Variants in GNAQ observed in about 807,000 individuals in gnomAD.
GNAQ encodes the protein guanine nucleotide-binding protein G(q) subunit alpha.
GNAQ carries 8 observed loss-of-function variants against 43.9 expected under a neutral mutation model. The observed-to-expected ratio is 0.18, with a 90% CI of 0.11 to 0.33. GNAQ has a LOEUF of 0.33. GNAQ is among the 10% of genes least tolerant of loss of function. The pLI, the probability that GNAQ is intolerant of heterozygous loss-of-function variation, is 1.00. For synonymous variants in GNAQ, 155 were observed against 170.7 expected (o/e 0.91, Z 0.71); for missense variants, 158 against 450.8 (o/e 0.35, Z 5.88).
chr9:77,817,787 C>T (rs879546242), intron 2 of GNAQ, among the ~76,000 whole-genome samples: 19 of 152,112 alleles, frequency 1.2e-4, no homozygotes, highest in Admixed American at 1.2e-3. Flanking sequence ...CGCACATGAG[C>T]GATGCTGCAT....
chr9:77,762,308 GC>G (rs1380783503), intron 5 of GNAQ, among the ~76,000 whole-genome samples: 1 of 145,570 alleles, frequency 6.9e-6, no homozygotes, highest in Non-Finnish European at 1.5e-5. Flanking sequence ...GGGGGGGTCA[GC>G]CCCCCGCCCG....
Position 77,741,902 on chromosome 9 carries a change from T to G in GNAQ, c.736-13235A>C, listed in dbSNP as rs1825658721. ...TTAAGGAGGGCAGGGACAATAAACC[T>G]CTCAGCTTTGGTTTCTGTATCTACT... On this transcript the variant is annotated intron_variant, in intron 5 of 6. Transcript: ENST00000286548. 2.0e-5 allele frequency among the ~76,000 whole-genome samples: 3 copies of G among 152,196 alleles called. No homozygotes were observed. The South Asian group carries it at 6.2e-4, about 32-fold the overall frequency.
chr9:77,746,619 AT>A (rs1157985744), intron 5 of GNAQ, among the ~76,000 whole-genome samples: 19 of 152,332 alleles, frequency 1.2e-4, no homozygotes, highest in East Asian at 7.7e-4. Flanking sequence ...GACCAAAAAA[AT>A]AAACGAAATT....
chr9:77,953,914 C>A (rs1457123406), intron 1 of GNAQ, among the ~76,000 whole-genome samples: 2 of 152,212 alleles, frequency 1.3e-5, no homozygotes, highest in African/African-American at 4.8e-5. Flanking sequence ...ATCCCCAACA[C>A]TGTTATCTTC....
In GNAQ at chr9:77,718,834, C is replaced by T. The variant is rs1462079408; in HGVS notation, c.*2489G>A. 1 of 205,998 alleles carries T rather than the reference C, an allele frequency of 4.9e-6. No homozygotes were observed. Among genetic ancestry groups the T allele is most frequent in the East Asian group, 7.0e-5 (1 of 14,338 alleles). 12.8% of individuals were successfully genotyped at this position (205,998 alleles called of 1,614,324 possible). A position where few individuals can be genotyped will look rare whatever the true frequency, so the allele number is the denominator to read the frequency against. ...ACATTTCCTTAGTGGATCACAATAG[C>T]TTCTAAAACTGCCTTTCTAGTAAAG... On this transcript the variant is annotated 3_prime_UTR_variant, in exon 7 of 7. Coordinates refer to ENST00000286548, the MANE Select transcript of GNAQ (RefSeq NM_002072.5).
At chr9:77,812,263 A>C (rs1323881424) in intron 3 of GNAQ, among the ~76,000 whole-genome samples, 2 of 152,224 alleles carry the variant, frequency 1.3e-5, no homozygotes, top group African/African-American at 4.8e-5. Context: ...GAGACTGCTC[A>C]ATGACAAACT....
At chr9:77,893,722 C>G (rs1828441848) in intron 2 of GNAQ, among the ~76,000 whole-genome samples, 1 of 152,152 alleles carries the variant, frequency 6.6e-6, no homozygotes, top group South Asian at 2.1e-4. Context: ...GTAAGGAAAA[C>G]AGATGAACTA....
At chr9:77,857,981 G>A (rs970376408) in intron 2 of GNAQ, among the ~76,000 whole-genome samples, 1 of 151,832 alleles carries the variant, frequency 6.6e-6, no homozygotes, top group Non-Finnish European at 1.5e-5. Flanking sequence ...AGAGCTGTCA[G>A]CTCTGTTTGT....
At chr9:77,942,115 A>G (rs540672428) in intron 1 of GNAQ, among the ~76,000 whole-genome samples, 156 of 152,354 alleles carry the variant, frequency 1.0e-3, no homozygotes, top group Middle Eastern at 3.4e-3. Flanking sequence ...AACAGTTGTT[A>G]AGAAACTGGG....
At chr9:77,984,838 G>C (rs529548338) in intron 1 of GNAQ, among the ~76,000 whole-genome samples, 1 of 152,106 alleles carries the variant, frequency 6.6e-6, no homozygotes, top group Non-Finnish European at 1.5e-5. Context: ...AAGGGACCAG[G>C]CTCCCGAGTG....
At chr9:77,823,885 A>C (rs776175416) in intron 2 of GNAQ, among the ~76,000 whole-genome samples, 1 of 152,190 alleles carries the variant, frequency 6.6e-6, no homozygotes, top group Admixed American at 6.5e-5. Flanking sequence ...GTATGTCTTT[A>C]AAGTATTTAT....
At chr9:77,804,836 A>G (rs565032193) in intron 3 of GNAQ, among the ~76,000 whole-genome samples, 5 of 152,230 alleles carry the variant, frequency 3.3e-5, no homozygotes, top group African/African-American at 1.2e-4. Context: ...AGGTCTTCAC[A>G]TTTTTAATTA....
At chr9:77,774,602 C>T (rs1826279629) in intron 5 of GNAQ, among the ~76,000 whole-genome samples, 1 of 152,152 alleles carries the variant, frequency 6.6e-6, no homozygotes, top group Non-Finnish European at 1.5e-5. Flanking sequence ...GCTAAGACTA[C>T]AGGTGTGTAC....
In GNAQ at chr9:77,724,834, A is replaced by C. The variant is rs145733705; in HGVS notation, c.890-3321T>G. ...GGGCTGGCATCATATTTAATAGATA[A>C]AAAGTACAATTAAAAACAATATGTA... On this transcript the variant is annotated intron_variant, in intron 6 of 6. Coordinates refer to ENST00000286548, the MANE Select transcript of GNAQ (RefSeq NM_002072.5). Among the ~76,000 whole-genome samples, 826 of 152,274 alleles carry C rather than the reference A, an allele frequency of 5.4e-3. 3 individuals carry two copies. Among genetic ancestry groups the C allele is most frequent in the Middle Eastern group, 0.017 (5 of 294 alleles).
At chr9:77,793,659 T>C (rs1826611714) in intron 5 of GNAQ, among the ~76,000 whole-genome samples, 1 of 152,116 alleles carries the variant, frequency 6.6e-6, no homozygotes, top group South Asian at 2.1e-4. Flanking sequence ...CTGCAATCTC[T>C]GCCTCTAACA....
At chr9:78,017,993 A>G (rs2118596508) in intron 1 of GNAQ, among the ~76,000 whole-genome samples, 1 of 152,278 alleles carries the variant, frequency 6.6e-6, no homozygotes, top group South Asian at 2.1e-4. Context: ...TCGTTTCAGA[A>G]TATGTTTTGG....
chr9:77,727,983 C>G (rs1223064840), intron 6 of GNAQ, among the ~76,000 whole-genome samples: 1 of 151,840 alleles, frequency 6.6e-6, no homozygotes, highest in African/African-American at 2.4e-5. Flanking sequence ...TCTGCTATTT[C>G]AAAGCAGATG....
At chr9:77,927,406 G>A (rs1829084921) in intron 1 of GNAQ, among the ~76,000 whole-genome samples, 1 of 152,054 alleles carries the variant, frequency 6.6e-6, no homozygotes, top group Non-Finnish European at 1.5e-5. Flanking sequence ...GAGCTGCCAA[G>A]GCCAAACCAC....
chr9:78,030,736 G>A (rs1824042111), intron 1 of GNAQ: 2 of 368,794 alleles, frequency 5.4e-6, no homozygotes, highest in Admixed American at 7.2e-5. Flanking sequence ...CAACCCCTCT[G>A]CCCACCTTTC....
Sources: allele counts gnomAD v4.1 joint callset (sites outside exome capture counted in the v4.1 genomes callset), GRCh38; gene constraint gnomAD v4.1.1; transcripts MANE v1.5; gene names NCBI Gene and HGNC (gene_info 2026-07-23, HGNC 2026-07-21).